Variants in TMPRSS11E observed in about 807,000 individuals in gnomAD.
TMPRSS11E encodes transmembrane serine protease 11E.
Under a neutral mutation model 48.1 loss-of-function variants are expected in TMPRSS11E, and 38 were observed. That is an observed-to-expected ratio of 0.79 (90% CI 0.61 to 1.04). The LOEUF (loss-of-function observed/expected upper bound fraction) is 1.04. Ranked by LOEUF, TMPRSS11E falls within the 50% of genes least tolerant of loss-of-function variation. TMPRSS11E has a pLI of 0.00. For missense variants in TMPRSS11E, 530 were observed against 510.8 expected, an observed-to-expected ratio of 1.04 and a Z score of -0.36; for synonymous variants, 158 against 171.9, an observed-to-expected ratio of 0.92 and a Z score of 0.63.
At chr4:68,481,840 T>G (rs547582928) in intron 9 of TMPRSS11E, among the ~76,000 whole-genome samples, 5 of 152,026 alleles carry the variant, frequency 3.3e-5, no homozygotes, top group Non-Finnish European at 7.4e-5. Flanking sequence ...TCCCAGCTAC[T>G]TGGAAATTAT....
At chr4:68,467,935 T>A (rs1157508173) in intron 3 of TMPRSS11E, among the ~76,000 whole-genome samples, 1 of 152,130 alleles carries the variant, frequency 6.6e-6, no homozygotes, top group Non-Finnish European at 1.5e-5. Context: ...CCAGACAGAT[T>A]TAAATCTAAA....
At chr4:68,451,791 C>T (rs1391810770) in intron 1 of TMPRSS11E, among the ~76,000 whole-genome samples, 2 of 151,816 alleles carry the variant, frequency 1.3e-5, no homozygotes, top group African/African-American at 2.4e-5. Context: ...AAAAATGAGG[C>T]TCAGACAGGT....
chr4:68,451,497 A>G (rs1226352494), intron 1 of TMPRSS11E, among the ~76,000 whole-genome samples: 1 of 151,854 alleles, frequency 6.6e-6, no homozygotes, highest in African/African-American at 2.4e-5. Context: ...GATAGAACTA[A>G]TCTTAGGGGG....
rs1047575987 is a variant in TMPRSS11E at position 68,466,630 on chromosome 4, G to C, written c.137-1G>C. The C allele has an allele frequency of 6.2e-7, 1 of 1,611,434 alleles. No homozygotes were observed. ...ATAGTGTTTTGCTTCTTTCCTTGTA[G>C]ATCAAAAGAAGACCTACAATTACTA... On this transcript the variant is annotated splice_acceptor_variant, in intron 2 of 9. Coordinates refer to ENST00000305363, the MANE Select transcript of TMPRSS11E (RefSeq NM_014058.4). LOFTEE classifies it high-confidence loss of function.
At chr4:68,454,464 A>G (rs1728575230) in intron 1 of TMPRSS11E, among the ~76,000 whole-genome samples, 1 of 152,112 alleles carries the variant, frequency 6.6e-6, no homozygotes, top group Non-Finnish European at 1.5e-5. Context: ...AGGTGAGTAT[A>G]TAATAAAAAA....
intron 7 of TMPRSS11E, 24 bp from the exon 8 acceptor site, chr4:68,477,345 T>C (rs1340435660): frequency 6.3e-7 from 1 of 1,580,638 alleles, no homozygotes; most frequent in Non-Finnish European, 8.6e-7. Context: ...AAAAGAAATT[T>C]ATTCTTCATT....
At chr4:68,453,640 A>T (rs1034988566) in intron 1 of TMPRSS11E, among the ~76,000 whole-genome samples, 1 of 151,978 alleles carries the variant, frequency 6.6e-6, no homozygotes, top group African/African-American at 2.4e-5. Context: ...TTTCCCAAAG[A>T]TCATTATGTG....
chr4:68,454,989 T>G (rs1001194625), intron 1 of TMPRSS11E, among the ~76,000 whole-genome samples: 2 of 151,928 alleles, frequency 1.3e-5, no homozygotes, highest in African/African-American at 4.8e-5. Flanking sequence ...AAACAAGATA[T>G]TGTTAACTAA....
At chr4:68,469,623 C>G (rs1290757094) in intron 4 of TMPRSS11E, among the ~76,000 whole-genome samples, 2 of 151,900 alleles carry the variant, frequency 1.3e-5, no homozygotes, top group Non-Finnish European at 2.9e-5. Flanking sequence ...TCTGTACTCT[C>G]TGGTGTTTGA....
chr4:68,476,605 T>A (rs1729226848), intron 7 of TMPRSS11E, among the ~76,000 whole-genome samples, 167 bp downstream of exon 7: 1 of 152,176 alleles, frequency 6.6e-6, no homozygotes, highest in East Asian at 1.9e-4. Context: ...GGTTTTAAAG[T>A]CTGGAAATGG....
At chr4:68,476,500 A>G in intron 7 of TMPRSS11E, 62 bp downstream of exon 7, 1 of 1,493,598 alleles carries the variant, frequency 6.7e-7, no homozygotes, top group Non-Finnish European at 9.0e-7. Flanking sequence ...TTGGCAAGAA[A>G]ATACCTCATG....
chr4:68,447,906 A>T (rs1728385636), intron 1 of TMPRSS11E, among the ~76,000 whole-genome samples: 1 of 151,936 alleles, frequency 6.6e-6, no homozygotes, highest in South Asian at 2.1e-4. Context: ...GTGTACATGA[A>T]AAAAAGTCTG....
At chr4:68,452,674 C>T (rs2109660246) in intron 1 of TMPRSS11E, among the ~76,000 whole-genome samples, 2 of 152,044 alleles carry the variant, frequency 1.3e-5, no homozygotes, top group Middle Eastern at 6.8e-3. Flanking sequence ...GATAACTTAC[C>T]TTGGCTTTCA....
At position 68,477,607 on chromosome 4, in the gene TMPRSS11E, T is replaced by A. The variant is rs1400971027; in HGVS notation, c.946T>A (p.Phe316Ile). ...QPGDVMFVTG[F>I]GALKNDGYSQ... ...AGGTGATGTGATGTTTGTGACAGGA[T>A]TTGGAGCACTGAAAAATGATGGTGA... is the stretch of plus-strand genomic sequence containing the variant. The change falls in exon 8 of 10, where the codon TTT (phenylalanine) becomes ATT (isoleucine). Residue 316 changes from phenylalanine to isoleucine, a missense_variant. Transcript: ENST00000305363. 8 of 1,612,914 alleles carry A rather than the reference T, an allele frequency of 5.0e-6. No individual in the cohort carries two copies. The highest frequency in any genetic ancestry group is 4.2e-6 in the Non-Finnish European group (5 of 1,179,556).
At chr4:68,475,358 C>T (rs185286152) in intron 6 of TMPRSS11E, among the ~76,000 whole-genome samples, 39 of 151,792 alleles carry the variant, frequency 2.6e-4, no homozygotes, top group African/African-American at 8.3e-4. Context: ...CCATGATTTA[C>T]AGTATACATT....
chr4:68,467,089 A>G (rs1728947941), intron 3 of TMPRSS11E, among the ~76,000 whole-genome samples: 1 of 152,090 alleles, frequency 6.6e-6, no homozygotes, highest in Admixed American at 6.6e-5. Context: ...GACTTCCTAA[A>G]AAAGAGACCC....
chr4:68,472,954 A>C lies in TMPRSS11E; in HGVS notation c.490+1331A>C, dbSNP rs911823787. Among the ~76,000 whole-genome samples, 3 of 152,120 alleles carry C rather than the reference A, an allele frequency of 2.0e-5. No individual in the cohort carries two copies. In the South Asian group the frequency reaches 6.2e-4, roughly 32 times the overall value. On this transcript the variant is annotated intron_variant, in intron 5 of 9. Coordinates refer to ENST00000305363, the MANE Select transcript of TMPRSS11E (RefSeq NM_014058.4). The stretch of plus-strand genomic sequence containing the variant: ...GTTTATATCATGCAATGTCGATATA[A>C]ATGCATATATAAGTACATTTAACTT...
chr4:68,466,878 C>T (rs1342854299), intron 3 of TMPRSS11E, 126 bp downstream of exon 3: 36 of 1,236,178 alleles, frequency 2.9e-5, no homozygotes, highest in Non-Finnish European at 4.1e-5. Flanking sequence ...GAAAAGAGGC[C>T]CTAACCCAAG....
In TMPRSS11E at chr4:68,461,745, C is replaced by A. The variant is rs1728796117; in HGVS notation, c.12-76C>A. The A allele has an allele frequency of 3.8e-5, 61 of 1,598,618 alleles. No individual in the cohort carries two copies. In the South Asian group the frequency reaches 6.7e-4, roughly 18 times the overall value. Reference sequence around the variant, plus strand: ...TCCAACTGAATGTCCTTTATTCCCCCAAAATATCTGTTTTGTCTAATGAGT... The same window carrying A: ...TCCAACTGAATGTCCTTTATTCCCCAAAAATATCTGTTTTGTCTAATGAGT... On this transcript the variant is annotated intron_variant, in intron 1 of 9. Transcript: ENST00000305363.
Sources: gnomAD v4.1 joint callset for allele counts (sites outside exome capture counted in the v4.1 genomes callset) on GRCh38, gnomAD v4.1.1 for gene constraint, MANE v1.5 for transcripts, NCBI Gene and HGNC (gene_info 2026-07-23, HGNC 2026-07-21) for gene names.